CCDC158: variants seen among roughly 807,000 people sequenced by gnomAD.
The protein encoded by CCDC158 is coiled-coil domain-containing protein 158.
In CCDC158, 116 loss-of-function variants were observed where a neutral mutation model predicts 138.6. The observed-to-expected ratio is 0.84, with a 90% CI of 0.72 to 0.98. The LOEUF (loss-of-function observed/expected upper bound fraction) is 0.98, where lower values mean the gene tolerates loss of function less well. CCDC158 is among the 50% of genes least tolerant of loss of function. The probability of loss-of-function intolerance (pLI) is 0.00; values close to 1 mark genes in which losing one functional copy is unlikely to be tolerated. For synonymous variants in CCDC158, 436 were observed against 442.4 expected, an observed-to-expected ratio of 0.99 and a Z score of 0.18; for missense variants, 1,265 against 1,306.1, an observed-to-expected ratio of 0.97 and a Z score of 0.48.
At chr4:76,387,821 T>TAAAAAAAAAA (rs57778797) in intron 4 of CCDC158, among the ~76,000 whole-genome samples, 1 of 104,046 alleles carries the variant, frequency 9.6e-6, no homozygotes, top group African/African-American at 3.8e-5. Flanking sequence ...AGACTACAAC[T>TAAAAAAAAAA]AAAAAAAAAA....
chr4:76,351,875 C>G (rs2110173503), intron 16 of CCDC158, 63 bp from the exon 17 acceptor site: 1 of 984,718 alleles, frequency 1.0e-6, no homozygotes, highest in East Asian at 2.4e-5. Flanking sequence ...ATTTTATTAA[C>G]CTATGAATGC....
intron 15 of CCDC158, among the ~76,000 whole-genome samples, chr4:76,354,314 A>G (rs1281649900): frequency 6.6e-6 from 1 of 152,024 alleles, no homozygotes; most frequent in Non-Finnish European, 1.5e-5. Flanking sequence ...AAAATTGGAA[A>G]GAAGAAATAA....
rs780353068 is a variant in CCDC158, at chr4:76,369,428, G to A, written c.1345C>T (p.Gln449Ter). The change falls in exon 11 of 25, where the codon CAG becomes TAG. Residue 449 changes from glutamine to a stop codon, truncating the protein, a stop_gained and splice_region_variant. Coordinates refer to ENST00000682701, the MANE Select transcript of CCDC158 (RefSeq NM_001394954.1). LOFTEE classifies it high-confidence loss of function. Reference sequence around the variant, plus strand: ...GCACAGCCTGTGCAGGCACTGACCTGCCGCTCCATCTGGCCCTGACACTCG... The same window carrying A: ...GCACAGCCTGTGCAGGCACTGACCTACCGCTCCATCTGGCCCTGACACTCG... ...KSECQGQMERQMAAIQGKNES... is the reference protein window; with the variant it reads ...KSECQGQMER The A allele has an allele frequency of 3.1e-6, 5 of 1,613,956 alleles. No individual in the cohort carries two copies. In the Admixed American group the frequency reaches 6.7e-5, roughly 22 times the overall value.
chr4:76,329,387 C>T (rs190840113), intron 21 of CCDC158, among the ~76,000 whole-genome samples: 1 of 152,080 alleles, frequency 6.6e-6, no homozygotes, highest in African/African-American at 2.4e-5. Context: ...AGATAGAGAC[C>T]ATTTGGCCAA....
At chr4:76,392,919 T>C (rs1727442234) in intron 4 of CCDC158, among the ~76,000 whole-genome samples, 1 of 151,808 alleles carries the variant, frequency 6.6e-6, no homozygotes, top group South Asian at 2.1e-4. Flanking sequence ...TACTAGGAAT[T>C]AACCAAAGAA....
At chr4:76,399,167 A>G (rs1290628798) in intron 3 of CCDC158, among the ~76,000 whole-genome samples, 2 of 152,210 alleles carry the variant, frequency 1.3e-5, no homozygotes, top group African/African-American at 4.8e-5. Flanking sequence ...GAGATAAAGC[A>G]AATATGACAA....
rs111957192 is a variant in CCDC158 at position 76,381,300 on chromosome 4, C to T, written c.914+1310G>A. On this transcript the variant is annotated intron_variant, in intron 8 of 24. Coordinates refer to ENST00000682701, the MANE Select transcript of CCDC158 (RefSeq NM_001394954.1). ...TCAGTGTAGCCTGTGAAAGCAGCTG[C>T]GGAGGCTGTACAATGCAGAGCAACA... Among the ~76,000 whole-genome samples the T allele has an allele frequency of 5.4e-3, 826 of 152,320 alleles. 6 individuals carry two copies. Among genetic ancestry groups the T allele is most frequent in the South Asian group, 0.015 (73 of 4,828 alleles).
chr4:76,369,982 G>GAAGGAAAAATGATAAGTA (rs1303447198), intron 10 of CCDC158, among the ~76,000 whole-genome samples: 1 of 152,150 alleles, frequency 6.6e-6, no homozygotes, highest in Non-Finnish European at 1.5e-5. Flanking sequence ...TCAAAAGCAT[G>GAAGGAAAAATGATAAGTA]AAGGAAAAAT....
At position 76,383,659 on chromosome 4, in the gene CCDC158, T is replaced by G. The variant is rs1451217808; in HGVS notation, c.803+3A>C. On this transcript the variant is annotated splice_donor_region_variant and intron_variant, in intron 7 of 24. Coordinates refer to ENST00000682701, the MANE Select transcript of CCDC158 (RefSeq NM_001394954.1). ...CTTTTCCATACCTCAGTCAGAAACC[T>G]ACCTATCTTGGTGTTGTTGCAGAAG... 6.2e-7 allele frequency: 1 copy of G among 1,608,800 alleles called. No homozygotes were observed.
chr4:76,384,096 T>C lies in CCDC158; in HGVS notation c.718A>G (p.Ile240Val), dbSNP rs200161797. 7.5e-6 allele frequency: 12 copies of C among 1,593,914 alleles called. No individual in the cohort carries two copies. The highest frequency in any genetic ancestry group is 1.3e-5 in the African/African-American group (1 of 74,468). ...GCATTCTCACCACTTACTGGAAATA[T>C]CCTCCCTTTAAGATAAGAAATCTCT... ...DTEISYLKGRIFPVEDQLEAL... is the reference protein window; with the variant it reads ...DTEISYLKGRVFPVEDQLEAL... Residue 240 changes from isoleucine (I) to valine (V), a missense_variant, in exon 6 of 25, where the codon ATA (isoleucine) becomes GTA (valine). By Grantham distance (29) the Ile-to-Val change is conservative (BLOSUM62 3). Coordinates refer to ENST00000682701, the MANE Select transcript of CCDC158 (RefSeq NM_001394954.1).
intron 13 of CCDC158, among the ~76,000 whole-genome samples, chr4:76,359,600 G>C (rs1446709888): frequency 6.6e-6 from 1 of 152,208 alleles, no homozygotes; most frequent in East Asian, 1.9e-4. Context: ...TGGCAGCATT[G>C]TGCCCCTGCT....
intron 13 of CCDC158, among the ~76,000 whole-genome samples, chr4:76,359,356 A>C (rs561489885): frequency 5.9e-5 from 9 of 152,240 alleles, no homozygotes; most frequent in Non-Finnish European, 1.3e-4. Context: ...AAAATATGAA[A>C]GCAGCTTTGC....
At chr4:76,352,225 G>A (rs1441819163) in intron 16 of CCDC158, 1 of 153,878 alleles carries the variant, frequency 6.5e-6, no homozygotes, top group Non-Finnish European at 1.4e-5. Flanking sequence ...TGGCCAACAT[G>A]GTGAAACCCC....
At chr4:76,387,213 T>C (rs1035031218) in intron 4 of CCDC158, among the ~76,000 whole-genome samples, 1 of 152,124 alleles carries the variant, frequency 6.6e-6, no homozygotes, top group Non-Finnish European at 1.5e-5. Flanking sequence ...AAGGACTTTG[T>C]CTTGCATGTT....
intron 4 of CCDC158, among the ~76,000 whole-genome samples, chr4:76,391,484 T>C (rs752091068): frequency 1.3e-4 from 19 of 151,750 alleles, no homozygotes; most frequent in Non-Finnish European, 2.4e-4. Flanking sequence ...AAACATATGA[T>C]AATGGAAACA....
At chr4:76,332,359 C>A in intron 20 of CCDC158, 73 bp downstream of exon 20, 1 of 1,280,840 alleles carries the variant, frequency 7.8e-7, no homozygotes, top group Non-Finnish European at 1.1e-6. Flanking sequence ...TCCAAACAGA[C>A]TTCTCAAATT....
chr4:76,318,887 T>C (rs1719662220), intron 24 of CCDC158, among the ~76,000 whole-genome samples: 1 of 152,186 alleles, frequency 6.6e-6, no homozygotes, highest in South Asian at 2.1e-4. Context: ...CCCAGCACTT[T>C]GGGAGGCCAA....
At chr4:76,350,096 A>G (rs115095639) in intron 18 of CCDC158, among the ~76,000 whole-genome samples, 2 of 152,236 alleles carry the variant, frequency 1.3e-5, no homozygotes, top group African/African-American at 4.8e-5. Context: ...AAATGATTTC[A>G]TAACACTTAA....
chr4:76,369,074 G>C (rs1724970798), intron 11 of CCDC158, among the ~76,000 whole-genome samples: 1 of 152,094 alleles, frequency 6.6e-6, no homozygotes, highest in Non-Finnish European at 1.5e-5. Context: ...AATTAGCTGG[G>C]CATGGTGGCA....
Sources: gnomAD v4.1 joint callset for allele counts (sites outside exome capture counted in the v4.1 genomes callset) on GRCh38, gnomAD v4.1.1 for gene constraint, MANE v1.5 for transcripts, NCBI Gene and HGNC (gene_info 2026-07-23, HGNC 2026-07-21) for gene names.